Variants in COP1 observed in about 807,000 individuals in gnomAD.
The protein encoded by COP1 is COP1 E3 ubiquitin ligase, also known as E3 ubiquitin-protein ligase COP1.
COP1 carries 24 observed loss-of-function variants against 101.3 expected under a neutral mutation model. The ratio of observed to expected loss-of-function variants is 0.24; its 90% CI spans 0.17 to 0.33. The LOEUF (loss-of-function observed/expected upper bound fraction) is 0.33. COP1 is among the 10% of genes least tolerant of loss of function. The pLI is 1.00. For synonymous variants in COP1, 347 were observed against 341.9 expected (o/e 1.01, Z -0.17); for missense variants, 663 against 906.2 (o/e 0.73, Z 3.45).
At chr1:176,187,516 T>C (rs1698623482) in intron 1 of COP1, among the ~76,000 whole-genome samples, 1 of 152,048 alleles carries the variant, frequency 6.6e-6, no homozygotes, top group African/African-American at 2.4e-5. Context: ...CCCAAAGTGT[T>C]GGGATTATAG....
intron 18 of COP1, among the ~76,000 whole-genome samples, chr1:175,951,121 T>C (rs1354600702): frequency 6.6e-6 from 1 of 151,922 alleles, no homozygotes; most frequent in East Asian, 1.9e-4. Context: ...TGGTGGCACA[T>C]GCCTGTAATC....
At chr1:176,002,243 T>C (rs973470544) in intron 15 of COP1, among the ~76,000 whole-genome samples, 1 of 152,200 alleles carries the variant, frequency 6.6e-6, no homozygotes, top group Admixed American at 6.5e-5. Flanking sequence ...GTCTCCAGGT[T>C]TGTGAAGTTC....
At chr1:176,080,996 A>G (rs1679022860) in intron 11 of COP1, among the ~76,000 whole-genome samples, 156 bp downstream of exon 11, 1 of 152,186 alleles carries the variant, frequency 6.6e-6, no homozygotes, top group Non-Finnish European at 1.5e-5. Context: ...AATTTGGCAT[A>G]TAGAAGCTCA....
intron 8 of COP1, among the ~76,000 whole-genome samples, chr1:176,130,815 T>C (rs1688758677): frequency 6.6e-6 from 1 of 151,764 alleles, no homozygotes; most frequent in Non-Finnish European, 1.5e-5. Context: ...CAGTACAGCA[T>C]GGAAAACATG....
At chr1:176,036,750 T>C (rs1669617959) in intron 14 of COP1, among the ~76,000 whole-genome samples, 1 of 152,194 alleles carries the variant, frequency 6.6e-6, no homozygotes, top group African/African-American at 2.4e-5. Flanking sequence ...AAAGTCTTTG[T>C]GTTATTTTGC....
intron 6 of COP1, among the ~76,000 whole-genome samples, chr1:176,144,390 G>A (rs942828551): frequency 1.3e-5 from 2 of 152,056 alleles, no homozygotes; most frequent in Non-Finnish European, 2.9e-5. Flanking sequence ...ATAAAGATGT[G>A]TAAGACTACC....
At chr1:176,094,916 A>C (rs1247733911) in intron 9 of COP1, among the ~76,000 whole-genome samples, 1 of 152,196 alleles carries the variant, frequency 6.6e-6, no homozygotes, top group African/African-American at 2.4e-5. Flanking sequence ...GGAGTACAAA[A>C]GCAATGAGAT....
rs565842676 is a variant in COP1, at chr1:176,059,713, C to G, written c.1278-13389G>C. 2.6e-5 allele frequency among the ~76,000 whole-genome samples: 4 copies of G among 152,188 alleles called. No homozygotes were observed. The South Asian group carries it at 8.3e-4, about 32-fold the overall frequency. Reference sequence around the variant, plus strand: ...AGTCAGGCCGGTCTCGAACTCCTGACCTCGTGATCCACCTGCCTCAGCCTC... The same window carrying G: ...AGTCAGGCCGGTCTCGAACTCCTGAGCTCGTGATCCACCTGCCTCAGCCTC... On this transcript the variant is annotated intron_variant, in intron 11 of 19. Coordinates refer to ENST00000367669, the MANE Select transcript of COP1 (RefSeq NM_022457.7).
intron 15 of COP1, among the ~76,000 whole-genome samples, chr1:176,015,501 A>T (rs1030613145): frequency 1.3e-5 from 2 of 152,064 alleles, no homozygotes; most frequent in Non-Finnish European, 2.9e-5. Context: ...AGGGATTTAA[A>T]AAGGGAAAAC....
intron 18 of COP1, among the ~76,000 whole-genome samples, chr1:175,968,771 A>C (rs895164678): frequency 1.3e-5 from 2 of 152,238 alleles, no homozygotes; most frequent in African/African-American, 4.8e-5. Context: ...CAACACATAC[A>C]TTCATCATTC....
At chr1:176,136,354 T>C (rs993105192) in intron 7 of COP1, 134 bp downstream of exon 7, 1 of 451,032 alleles carries the variant, frequency 2.2e-6, no homozygotes, top group South Asian at 6.3e-5. Context: ...CATCCTCAAT[T>C]GAAATGAAAG....
At position 176,115,543 on chromosome 1, in the gene COP1, T is replaced by C. The variant is rs866348130; in HGVS notation, c.1026+1081A>G. On this transcript the variant is annotated intron_variant, in intron 9 of 19. Transcript: ENST00000367669. ...GGGGGAGGATCACGAGGTCAAGAGA[T>C]GGAGACCTTCCTGGCTAACATGGTG... Among the ~76,000 whole-genome samples, 29 of 151,964 alleles carry C rather than the reference T, an allele frequency of 1.9e-4. 1 individual carries two copies. The South Asian group carries it at 2.1e-3, about 11-fold the overall frequency.
intron 3 of COP1, among the ~76,000 whole-genome samples, chr1:176,169,025 G>T (rs1317921633): frequency 6.6e-6 from 1 of 151,990 alleles, no homozygotes; most frequent in Non-Finnish European, 1.5e-5. Flanking sequence ...AAAATTTTTT[G>T]TGTGACAATA....
At chr1:175,980,376 A>T (rs1402481145) in intron 18 of COP1, among the ~76,000 whole-genome samples, 1 of 152,188 alleles carries the variant, frequency 6.6e-6, no homozygotes, top group East Asian at 1.9e-4. Context: ...TTAAGAACAC[A>T]GTTTAGTTCA....
At chr1:176,155,798 G>A (rs1459344954) in intron 5 of COP1, among the ~76,000 whole-genome samples, 1 of 152,008 alleles carries the variant, frequency 6.6e-6, no homozygotes, top group Non-Finnish European at 1.5e-5. Context: ...TTAGGAGAAG[G>A]ATGGTAAAAA....
At position 175,957,593 on chromosome 1, in the gene COP1, G is replaced by A. The variant is rs539445915; in HGVS notation, c.2134-10354C>T. 4.6e-5 allele frequency among the ~76,000 whole-genome samples: 7 copies of A among 152,316 alleles called. 1 individual carries two copies. The East Asian group carries it at 7.7e-4, about 17-fold the overall frequency. The stretch of plus-strand genomic sequence containing the variant: ...CCCCATTGTTAAGTGACCAATGAAT[G>A]TAATACAACAACTATGGAAAAAGGT... On this transcript the variant is annotated intron_variant, in intron 18 of 19. Transcript: ENST00000367669.
rs770536156 is a variant in COP1, at chr1:176,116,656, T to G, written c.994A>C (p.Ser332Arg). 1 of 1,612,006 alleles carries G rather than the reference T, an allele frequency of 6.2e-7. No homozygotes were observed. Among genetic ancestry groups the G allele is most frequent in the Non-Finnish European group, 8.5e-7 (1 of 1,178,618 alleles). The change falls in exon 9 of 20, where the codon AGC becomes CGC. Residue 332 changes from serine to arginine, a missense_variant. Physicochemically the swap from Ser to Arg is moderately radical, Grantham distance 110 (BLOSUM62 -1). This residue lies in a region of COP1 where 212 missense variants were observed against 240.7 expected (regional missense o/e 0.88). Transcript: ENST00000367669. The part of the protein sequence containing the change: ...HSSIIDSTEY[S>R]QPPGFSGSSQ... ...CTGCCACTGAAACCTGGAGGTTGGCTGTATTCTGTGGAATCAATAATACTA... is the reference window on the plus strand; with the variant it reads ...CTGCCACTGAAACCTGGAGGTTGGCGGTATTCTGTGGAATCAATAATACTA...
chr1:176,157,158 C>T (rs2149893465), intron 5 of COP1, among the ~76,000 whole-genome samples: 1 of 152,174 alleles, frequency 6.6e-6, no homozygotes, highest in East Asian at 1.9e-4. Flanking sequence ...CACGCCACTG[C>T]ACTCCAGCCT....
chr1:176,074,083 T>C (rs1034325479), intron 11 of COP1, among the ~76,000 whole-genome samples: 1 of 152,052 alleles, frequency 6.6e-6, no homozygotes, highest in Non-Finnish European at 1.5e-5. Flanking sequence ...TACGCCACCA[T>C]GCCTGGCTAA....
Sources: allele counts gnomAD v4.1 joint callset (sites outside exome capture counted in the v4.1 genomes callset), GRCh38; gene constraint gnomAD v4.1.1; regional missense constraint gnomAD v4.1.1; transcripts MANE v1.5; gene names NCBI Gene and HGNC (gene_info 2026-07-23, HGNC 2026-07-21).